ROBO2: variants seen among roughly 807,000 people sequenced by gnomAD.
ROBO2 encodes the protein roundabout homolog 2.
Under a neutral mutation model 160.8 loss-of-function variants are expected in ROBO2, and 53 were observed. That is an observed-to-expected ratio of 0.33 (90% CI 0.26 to 0.41). The LOEUF (loss-of-function observed/expected upper bound fraction) is 0.41, where lower values mean the gene tolerates loss of function less well. ROBO2 is among the 10% of genes least tolerant of loss of function. ROBO2 has a pLI of 1.00. For synonymous variants in ROBO2, 664 were observed against 611.7 expected (o/e 1.09, Z -1.26); for missense variants, 1,577 against 1,722.4 (o/e 0.92, Z 1.49).
At chr3:76,901,292 A>G (rs1008790728) in intron 2 of ROBO2, among the ~76,000 whole-genome samples, 2 of 152,146 alleles carry the variant, frequency 1.3e-5, no homozygotes, top group African/African-American at 4.8e-5. Context: ...GCATTGGAAT[A>G]TAAGCTCCCC....
chr3:77,588,561 T>C (rs2094110006), intron 16 of ROBO2, among the ~76,000 whole-genome samples, 190 bp from the exon 18 acceptor site: 1 of 152,086 alleles, frequency 6.6e-6, no homozygotes, highest in Non-Finnish European at 1.5e-5. Context: ...CTTAATCACA[T>C]TTGCAAACTC....
intron 2 of ROBO2, among the ~76,000 whole-genome samples, chr3:77,185,402 G>A (rs1342098487): frequency 3.3e-5 from 5 of 151,866 alleles, no homozygotes; most frequent in African/African-American, 1.2e-4. Flanking sequence ...AAGCATAGAA[G>A]GAAAGAAGGC....
chr3:77,522,939 G>A (rs750746244), intron 6 of ROBO2, 37 bp downstream of exon 6: 3 of 1,606,074 alleles, frequency 1.9e-6, no homozygotes, highest in Admixed American at 3.4e-5. Context: ...ATTGAACCAG[G>A]AGACTAATAT....
At chr3:76,025,105 C>T (rs1260647092) in intron 2 of ROBO2, among the ~76,000 whole-genome samples, 2 of 151,350 alleles carry the variant, frequency 1.3e-5, no homozygotes, top group African/African-American at 4.8e-5. Flanking sequence ...TAATAAAATA[C>T]TACTTCTTAA....
chr3:76,293,957 C>T lies in ROBO2; in HGVS notation c.109+356355C>T, dbSNP rs1022678087. Among the ~76,000 whole-genome samples, 6 of 152,294 alleles carry T rather than the reference C, an allele frequency of 3.9e-5. 1 individual carries two copies. Among genetic ancestry groups the T allele is most frequent in the South Asian group, 2.1e-4 (1 of 4,828 alleles). On this transcript the variant is annotated intron_variant, in intron 2 of 26. Transcript: ENST00000487694. ...TGTGCTGAGGGGGTGCCTGCAGGCC[C>T]ATGCTGAGCCACCACCCTCGGTCCC...
intron 2 of ROBO2, among the ~76,000 whole-genome samples, chr3:76,822,902 T>C (rs569154626): frequency 6.6e-6 from 1 of 152,158 alleles, no homozygotes; most frequent in South Asian, 2.1e-4. Flanking sequence ...TGCAACGGTA[T>C]CATTTCTTAG....
intron 2 of ROBO2, among the ~76,000 whole-genome samples, chr3:76,300,751 C>T (rs1709314976): frequency 6.6e-6 from 1 of 151,806 alleles, no homozygotes; most frequent in Non-Finnish European, 1.5e-5. Flanking sequence ...AAAGAAATTC[C>T]CTCTTCCTGG....
intron 2 of ROBO2, among the ~76,000 whole-genome samples, chr3:77,220,664 TC>T (rs1175231927): frequency 6.6e-6 from 1 of 152,124 alleles, no homozygotes; most frequent in East Asian, 1.9e-4. Context: ...CATTGAGTCT[TC>T]CAGTGATGTA....
intron 2 of ROBO2, among the ~76,000 whole-genome samples, chr3:76,787,028 T>C (rs28373311): frequency 1.3e-5 from 2 of 151,056 alleles, no homozygotes; most frequent in South Asian, 2.1e-4. Context: ...GAGAGAAAGA[T>C]AGCTAAGAGG....
chr3:76,926,585 G>A (rs1349895937), intron 2 of ROBO2, among the ~76,000 whole-genome samples: 2 of 152,158 alleles, frequency 1.3e-5, no homozygotes, highest in South Asian at 2.1e-4. Flanking sequence ...CTTCACTAAT[G>A]TGATTGTCCA....
chr3:77,347,783 T>C (rs1258879210), intron 2 of ROBO2, among the ~76,000 whole-genome samples: 2 of 152,126 alleles, frequency 1.3e-5, no homozygotes, highest in African/African-American at 4.8e-5. Flanking sequence ...GCATTGTTTT[T>C]CTCCTGTCTG....
chr3:76,185,215 T>TATATATATATATATACAC, intron 2 of ROBO2, among the ~76,000 whole-genome samples: 1,423 of 90,230 alleles, frequency 0.016, 57 homozygotes, highest in South Asian at 0.021. Flanking sequence ...TATATATATA[T>TATATATATATATATACAC]ACACACACAA....
At chr3:75,988,954 A>T (rs630218) in intron 2 of ROBO2, among the ~76,000 whole-genome samples, 108,447 of 151,814 alleles carry the variant, frequency 0.71, 41,597 homozygotes, top group South Asian at 0.89. Flanking sequence ...TTAAAATCTT[A>T]TATTGAATTT....
At chr3:77,291,223 G>A (rs376065442) in intron 2 of ROBO2, among the ~76,000 whole-genome samples, 1 of 138,540 alleles carries the variant, frequency 7.2e-6, no homozygotes, top group Non-Finnish European at 1.5e-5. Flanking sequence ...TGAGGCTAGA[G>A]CACTAAAGAC....
chr3:77,386,603 A>ATTTTTTTTT (rs71104679), intron 2 of ROBO2, among the ~76,000 whole-genome samples: 17,351 of 91,248 alleles, frequency 0.19, 3,330 homozygotes, highest in East Asian at 0.36. Context: ...CAGCCAGGTA[A>ATTTTTTTTT]TTTTTTTTTT....
At chr3:76,322,163 C>CATATATATATATAT (rs1559761091) in intron 2 of ROBO2, among the ~76,000 whole-genome samples, 6 of 40,164 alleles carry the variant, frequency 1.5e-4, no homozygotes, top group South Asian at 1.3e-3. Flanking sequence ...CTACTTCTTC[C>CATATATATATATAT]GTATATATAT....
intron 2 of ROBO2, among the ~76,000 whole-genome samples, chr3:76,927,939 G>GA (rs1265932180): frequency 2.0e-5 from 3 of 152,002 alleles, no homozygotes; most frequent in Admixed American, 6.6e-5. Flanking sequence ...AGAATGAAAA[G>GA]AAAAAATAAT....
chr3:77,271,169 C>A (rs954633455), intron 2 of ROBO2, among the ~76,000 whole-genome samples: 1 of 152,052 alleles, frequency 6.6e-6, no homozygotes, highest in South Asian at 2.1e-4. Flanking sequence ...TTATTGAACA[C>A]CTACTCCGTG....
At chr3:76,287,211 C>T (rs931886449) in intron 2 of ROBO2, among the ~76,000 whole-genome samples, 20 of 152,048 alleles carry the variant, frequency 1.3e-4, no homozygotes, top group Admixed American at 6.5e-4. Context: ...GAGACTAGGC[C>T]TTGAGGAGGC....
Sources: gnomAD v4.1 joint callset for allele counts (sites outside exome capture counted in the v4.1 genomes callset) on GRCh38, gnomAD v4.1.1 for gene constraint, MANE v1.5 for transcripts, NCBI Gene and HGNC (gene_info 2026-07-23, HGNC 2026-07-21) for gene names.